GADL1: variants seen among roughly 807,000 people sequenced by gnomAD.
The protein encoded by GADL1 is acidic amino acid decarboxylase GADL1.
Under a neutral mutation model 69.5 loss-of-function variants are expected in GADL1, and 71 were observed. The observed-to-expected ratio is 1.02, with a 90% CI of 0.84 to 1.25. GADL1 has a LOEUF of 1.25. Ranked by LOEUF, GADL1 falls within the 50% of genes most tolerant of loss-of-function variation. GADL1 has a pLI of 0.00. For missense variants in GADL1, 737 were observed against 631.8 expected, an observed-to-expected ratio of 1.17 and a Z score of -1.79; for synonymous variants, 254 against 214.4, an observed-to-expected ratio of 1.18 and a Z score of -1.62.
At chr3:30,889,895 A>G (rs980981951) in intron 1 of GADL1, among the ~76,000 whole-genome samples, 1 of 152,210 alleles carries the variant, frequency 6.6e-6, no homozygotes, top group African/African-American at 2.4e-5. Flanking sequence ...AGAATCAGAA[A>G]TATAATCAAA....
intron 14 of GADL1, among the ~76,000 whole-genome samples, chr3:30,759,477 G>A (rs1437319306): frequency 6.6e-6 from 1 of 152,124 alleles, no homozygotes; most frequent in African/African-American, 2.4e-5. Flanking sequence ...AAGGTGCTAT[G>A]TCATTTTCAC....
intron 14 of GADL1, among the ~76,000 whole-genome samples, chr3:30,770,124 A>AT (rs1696384011): frequency 6.6e-6 from 1 of 152,142 alleles, no homozygotes; most frequent in Admixed American, 6.5e-5. Flanking sequence ...TGGGACCAAT[A>AT]TACTTCAGTG....
chr3:30,859,976 T>C (rs1462103911), intron 2 of GADL1, among the ~76,000 whole-genome samples: 1 of 151,888 alleles, frequency 6.6e-6, no homozygotes, highest in Non-Finnish European at 1.5e-5. Flanking sequence ...TGTGAGCTCT[T>C]TTTTTCTGGG....
intron 13 of GADL1, 103 bp from the exon 14 acceptor site, chr3:30,778,371 TG>T: frequency 1.4e-6 from 1 of 713,574 alleles, no homozygotes; most frequent in Non-Finnish European, 2.4e-6. Context: ...AGTTATCATG[TG>T]TATAAAATTT....
intron 14 of GADL1, among the ~76,000 whole-genome samples, chr3:30,755,417 T>C (rs533149950): frequency 6.6e-6 from 1 of 152,172 alleles, no homozygotes; most frequent in Non-Finnish European, 1.5e-5. Flanking sequence ...GCTAAAAACT[T>C]CTCTAAGCCA....
At chr3:30,754,042 A>G (rs1031597063) in intron 14 of GADL1, among the ~76,000 whole-genome samples, 1 of 152,236 alleles carries the variant, frequency 6.6e-6, no homozygotes, top group Non-Finnish European at 1.5e-5. Flanking sequence ...ATTGTATTCT[A>G]TATTTTCCAC....
chr3:30,874,519 A>G (rs1234925016), intron 1 of GADL1, among the ~76,000 whole-genome samples: 2 of 151,908 alleles, frequency 1.3e-5, no homozygotes, highest in Non-Finnish European at 2.9e-5. Context: ...CTTTACAAGC[A>G]CTTACAGATC....
chr3:30,857,986 C>T (rs1698255892), intron 2 of GADL1, among the ~76,000 whole-genome samples: 1 of 151,980 alleles, frequency 6.6e-6, no homozygotes, highest in African/African-American at 2.4e-5. Context: ...GTCACTTTCT[C>T]AACAACAGCA....
intron 14 of GADL1, among the ~76,000 whole-genome samples, chr3:30,751,318 T>G (rs1053779691): frequency 1.3e-5 from 2 of 151,960 alleles, no homozygotes; most frequent in African/African-American, 2.4e-5. Flanking sequence ...CCTGGGACCA[T>G]TGTGGTAAGG....
intron 11 of GADL1, among the ~76,000 whole-genome samples, chr3:30,812,979 C>T (rs1007533283): frequency 4.5e-4 from 68 of 151,886 alleles, no homozygotes; most frequent in Non-Finnish European, 1.5e-4. Context: ...AAATGAGGTT[C>T]AAAGCCAAGA....
chr3:30,768,035 ACCC>A (rs147317208), intron 14 of GADL1, among the ~76,000 whole-genome samples: 105,045 of 143,244 alleles, frequency 0.73, 37,503 homozygotes, highest in Non-Finnish European at 0.77. Flanking sequence ...AACTCCCCAT[ACCC>A]CCCCCCCCCT....
At chr3:30,769,375 T>C (rs9864523) in intron 14 of GADL1, among the ~76,000 whole-genome samples, 33,656 of 152,032 alleles carry the variant, frequency 0.22, 6,760 homozygotes, top group African/African-American at 0.54. Context: ...GTCTGGAACG[T>C]ATGCACACAC....
intron 14 of GADL1, among the ~76,000 whole-genome samples, chr3:30,770,055 G>T (rs907527831): frequency 1.4e-5 from 2 of 140,842 alleles, no homozygotes; most frequent in East Asian, 4.2e-4. Flanking sequence ...GGCAACCCTG[G>T]CCTGCATTCC....
chr3:30,836,054 C>T (rs1301716028), intron 9 of GADL1, among the ~76,000 whole-genome samples: 1 of 152,038 alleles, frequency 6.6e-6, no homozygotes, highest in Non-Finnish European at 1.5e-5. Context: ...ACTTTCATTA[C>T]ATATTCTAAA....
intron 14 of GADL1, among the ~76,000 whole-genome samples, chr3:30,760,143 A>ATG (rs1696093401): frequency 2.0e-5 from 3 of 152,170 alleles, no homozygotes; most frequent in Admixed American, 6.5e-5. Flanking sequence ...GAAAACTTGG[A>ATG]TGTACCAGAA....
chr3:30,792,592 TG>T, intron 12 of GADL1, among the ~76,000 whole-genome samples: 1 of 152,240 alleles, frequency 6.6e-6, no homozygotes, highest in East Asian at 1.9e-4. Flanking sequence ...AAACTATACT[TG>T]CCTTAATTCA....
rs1017832127 is a variant in GADL1 at position 30,811,038 on chromosome 3, CAA to C, written c.1051-9952_1051-9951del. ...TATTCTGAACACTTAGTGTTGAGAT[CAA>C]GACTCCCCTTCCCCTTCCAGAAACC... On this transcript the variant is annotated intron_variant, in intron 11 of 14. Coordinates refer to ENST00000282538, the MANE Select transcript of GADL1 (RefSeq NM_207359.3). Among the ~76,000 whole-genome samples the C allele has an allele frequency of 1.3e-5, 2 of 152,244 alleles. 1 individual carries two copies.
At chr3:30,835,271 T>C (rs1468230447) in intron 9 of GADL1, among the ~76,000 whole-genome samples, 1 of 152,060 alleles carries the variant, frequency 6.6e-6, no homozygotes. Context: ...GCATGTAGAA[T>C]GAGGGTGACA....
At chr3:30,737,241 A>G (rs1695552687) in intron 14 of GADL1, among the ~76,000 whole-genome samples, 1 of 152,080 alleles carries the variant, frequency 6.6e-6, no homozygotes, top group Non-Finnish European at 1.5e-5. Context: ...GGACTTTGGG[A>G]GAGGCAAAGG....
Sources: gnomAD v4.1 joint callset for allele counts (sites outside exome capture counted in the v4.1 genomes callset) on GRCh38, gnomAD v4.1.1 for gene constraint, MANE v1.5 for transcripts, NCBI Gene and HGNC (gene_info 2026-07-23, HGNC 2026-07-21) for gene names.